The following TTC6 variants were observed in gnomAD, a reference collection of about 807,000 sequenced individuals.
The protein encoded by TTC6 is tetratricopeptide repeat domain 6, also known as tetratricopeptide repeat protein 6.
Under a neutral mutation model 210.4 loss-of-function variants are expected in TTC6, and 172 were observed. That is an observed-to-expected ratio of 0.82 (90% CI 0.72 to 0.93). TTC6 has a LOEUF of 0.93. Ranked by LOEUF, TTC6 falls within the 40% of genes least tolerant of loss-of-function variation. TTC6 has a pLI of 0.00. For synonymous variants in TTC6, 804 were observed against 819.6 expected, an observed-to-expected ratio of 0.98 and a Z score of 0.32; for missense variants, 2,414 against 2,318.1, an observed-to-expected ratio of 1.04 and a Z score of -0.85.
intron 6 of TTC6, among the ~76,000 whole-genome samples, chr14:37,719,465 C>T (rs939261579): frequency 6.6e-6 from 1 of 151,820 alleles, no homozygotes; most frequent in African/African-American, 2.4e-5. Context: ...TACTATATTA[C>T]AGTCATTAAG....
chr14:37,799,919 C>T (rs2096102143), intron 20 of TTC6, among the ~76,000 whole-genome samples: 1 of 152,164 alleles, frequency 6.6e-6, no homozygotes, highest in Non-Finnish European at 1.5e-5. Flanking sequence ...CCTGGCCCCT[C>T]ACCTCTGCTT....
At chr14:37,771,113 A>T (rs1186852823) in intron 14 of TTC6, among the ~76,000 whole-genome samples, 1 of 151,258 alleles carries the variant, frequency 6.6e-6, no homozygotes, top group Admixed American at 6.6e-5. Flanking sequence ...CTTTTCTTTA[A>T]GAATGTTGAA....
chr14:37,725,312 G>GTGTGTGTATATA (rs1318506400), intron 7 of TTC6, among the ~76,000 whole-genome samples: 3 of 33,918 alleles, frequency 8.8e-5, no homozygotes, highest in Non-Finnish European at 1.7e-4. Context: ...GTGTGTGTGT[G>GTGTGTGTATATA]TATATATATA....
chr14:37,634,183 C>T (rs1365456626), intron 1 of TTC6, among the ~76,000 whole-genome samples: 1 of 152,086 alleles, frequency 6.6e-6, no homozygotes, highest in East Asian at 1.9e-4. Context: ...TACAGCAGTT[C>T]CTCTACCAAA....
intron 6 of TTC6, among the ~76,000 whole-genome samples, chr14:37,716,873 C>T (rs1029203211): frequency 6.6e-6 from 1 of 151,862 alleles, no homozygotes; most frequent in Non-Finnish European, 1.5e-5. Flanking sequence ...TTTCAGATGC[C>T]ATGAAACATA....
rs1414227556 is a variant in TTC6 at position 37,598,295 on chromosome 14, G to C, written c.-235+2287G>C. Among the ~76,000 whole-genome samples the C allele has an allele frequency of 6.6e-6, 1 of 152,170 alleles. No individual in the cohort carries two copies. The highest frequency in any genetic ancestry group is 1.5e-5 in the Non-Finnish European group (1 of 68,044). ...CGTGGCGGCTCCTGCGGTGTCCCGG[G>C]TTAAACTTGCCTGTGTTTAAGACGG... On this transcript the variant is annotated intron_variant, in intron 1 of 2. Transcript: ENST00000556845. This position sits in a 1 kb window ranked among gnomAD's most constrained non-coding sequence, Gnocchi z 4.9.
At chr14:37,823,756 G>A in exon 27 of TTC6, 1 of 1,613,590 alleles carries the variant, frequency 6.2e-7, no homozygotes, top group Non-Finnish European at 8.5e-7. Flanking sequence ...GAATTAATGA[G>A]TTTGAAGAAG....
At chr14:37,626,823 C>T (rs36004540) in intron 1 of TTC6, among the ~76,000 whole-genome samples, 8,723 of 152,276 alleles carry the variant, frequency 0.057, 382 homozygotes, top group Non-Finnish European at 0.089. Context: ...AATTTTTAGA[C>T]GATAACTATG....
At chr14:37,663,860 C>T (rs2095742442) in intron 1 of TTC6, among the ~76,000 whole-genome samples, 1 of 152,098 alleles carries the variant, frequency 6.6e-6, no homozygotes, top group Non-Finnish European at 1.5e-5. Context: ...ACACCAACAA[C>T]AGGCAAGCAG....
At chr14:37,775,089 T>C (rs1205772880) in intron 14 of TTC6, among the ~76,000 whole-genome samples, 1 of 152,202 alleles carries the variant, frequency 6.6e-6, no homozygotes, top group Non-Finnish European at 1.5e-5. Context: ...CCCTTTGTCA[T>C]TTTTGATTGT....
intron 14 of TTC6, among the ~76,000 whole-genome samples, chr14:37,776,822 G>C: frequency 6.6e-6 from 1 of 151,864 alleles, no homozygotes. Flanking sequence ...GTTGGGCGGG[G>C]GCGGGCTGAG....
chr14:37,789,884 T>C (rs2096075635), intron 15 of TTC6, among the ~76,000 whole-genome samples: 1 of 151,980 alleles, frequency 6.6e-6, no homozygotes, highest in African/African-American at 2.4e-5. Context: ...ACTGCAAACA[T>C]TATGCATATT....
chr14:37,715,169 CA>C (rs775127323), intron 6 of TTC6, among the ~76,000 whole-genome samples: 40 of 148,284 alleles, frequency 2.7e-4, no homozygotes, highest in East Asian at 7.9e-4. Flanking sequence ...GTCCCTGTCT[CA>C]AAAAAAAAAT....
At chr14:37,772,874 T>C (rs2096024710) in intron 14 of TTC6, among the ~76,000 whole-genome samples, 1 of 152,168 alleles carries the variant, frequency 6.6e-6, no homozygotes, top group African/African-American at 2.4e-5. Context: ...ACATCCCCAC[T>C]AGCAGTCTAT....
At chr14:37,607,118 A>G (rs957536531) in intron 2 of TTC6, among the ~76,000 whole-genome samples, 4 of 152,230 alleles carry the variant, frequency 2.6e-5, no homozygotes, top group Admixed American at 1.3e-4. Flanking sequence ...GTGTATTACC[A>G]TAGCTGGAGA....
At chr14:37,726,059 CCTT>C (rs1157577462) in intron 7 of TTC6, among the ~76,000 whole-genome samples, 2 of 152,008 alleles carry the variant, frequency 1.3e-5, no homozygotes, top group Non-Finnish European at 2.9e-5. Flanking sequence ...AAATTCTTCT[CCTT>C]CTTCCTCCTC....
chr14:37,822,266 A>C (rs2096159707), intron 26 of TTC6, among the ~76,000 whole-genome samples: 1 of 152,242 alleles, frequency 6.6e-6, no homozygotes, highest in Non-Finnish European at 1.5e-5. Context: ...TAAGTAAAAA[A>C]AGTAAGTTGA....
intron 20 of TTC6, among the ~76,000 whole-genome samples, chr14:37,801,605 T>C (rs970535799): frequency 3.9e-5 from 6 of 152,190 alleles, no homozygotes; most frequent in Non-Finnish European, 5.9e-5. Context: ...GTTCTCCTGC[T>C]GGCCTTGTTG....
chr14:37,686,665 T>A (rs1047896276), intron 3 of TTC6, among the ~76,000 whole-genome samples: 2 of 152,134 alleles, frequency 1.3e-5, no homozygotes, highest in Admixed American at 1.3e-4. Flanking sequence ...GACGTGTGTC[T>A]CACACGGTGG....
Sources: gnomAD v4.1 joint callset for allele counts (sites outside exome capture counted in the v4.1 genomes callset) on GRCh38, gnomAD v4.1.1 for gene constraint, Gnocchi (gnomAD v3.1) non-coding constraint, MANE v1.5 for transcripts, NCBI Gene and HGNC (gene_info 2026-07-23, HGNC 2026-07-21) for gene names.